RNF121: variants seen among roughly 807,000 people sequenced by gnomAD.
The protein encoded by RNF121 is E3 ubiquitin ligase RNF121.
RNF121 carries 21 observed loss-of-function variants against 46.5 expected under a neutral mutation model. The ratio of observed to expected loss-of-function variants is 0.45; its 90% CI spans 0.32 to 0.65. RNF121 has a LOEUF of 0.65. Ranked by LOEUF, RNF121 falls within the 30% of genes least tolerant of loss-of-function variation. The pLI is 0.04. For missense variants in RNF121, 346 were observed against 416.0 expected (o/e 0.83, Z 1.46); for synonymous variants, 139 against 144.7 (o/e 0.96, Z 0.28).
At chr11:71,962,244 G>A (rs1231489796) in intron 3 of RNF121, 9 of 925,690 alleles carry the variant, frequency 9.7e-6, no homozygotes, top group South Asian at 5.0e-5. Context: ...GATTACAGGC[G>A]TGAGCCACCG....
chr11:71,978,367 C>G (rs2134200113), intron 3 of RNF121: 1 of 215,124 alleles, frequency 4.6e-6, no homozygotes, highest in African/African-American at 2.4e-5. Context: ...CTTTCACTCC[C>G]TAATGGAGAT....
In RNF121 at chr11:71,964,759, G is replaced by A. The variant is rs1040877724; in HGVS notation, c.243+3868G>A. Among the ~76,000 whole-genome samples the A allele has an allele frequency of 1.6e-4, 25 of 152,164 alleles. 1 individual carries two copies. Among genetic ancestry groups the A allele is most frequent in the South Asian group, 1.0e-3 (5 of 4,834 alleles). Reference sequence around the variant, plus strand: ...CTCCCAAAGTGTTGGGATTACAGGCGTGAGCCACCGTGCCTGGTATTATAA... The same window carrying A: ...CTCCCAAAGTGTTGGGATTACAGGCATGAGCCACCGTGCCTGGTATTATAA... On this transcript the variant is annotated intron_variant, in intron 3 of 8. Coordinates refer to ENST00000361756, the MANE Select transcript of RNF121 (RefSeq NM_018320.5).
At chr11:71,958,955 A>G (rs1040667421) in intron 2 of RNF121, among the ~76,000 whole-genome samples, 4 of 152,320 alleles carry the variant, frequency 2.6e-5, no homozygotes, top group African/African-American at 2.4e-5. Context: ...ATCTCTTGCT[A>G]TCTTTATAAC....
At chr11:71,974,547 G>A (rs543120708) in intron 3 of RNF121, among the ~76,000 whole-genome samples, 4 of 152,136 alleles carry the variant, frequency 2.6e-5, no homozygotes, top group Non-Finnish European at 5.9e-5. Flanking sequence ...GAAGTGATTT[G>A]CTGGGAACAC....
chr11:71,966,205 G>A (rs7128346), intron 3 of RNF121, among the ~76,000 whole-genome samples: 129,737 of 152,084 alleles, frequency 0.85, 56,176 homozygotes, highest in Non-Finnish European at 0.94. Context: ...TTTTAGTAGA[G>A]ACAGGGTTTC....
At chr11:71,995,964 T>TG (rs1295366507) in intron 8 of RNF121, among the ~76,000 whole-genome samples, 3 of 152,152 alleles carry the variant, frequency 2.0e-5, no homozygotes, top group African/African-American at 7.2e-5. Flanking sequence ...TTCTCTGCAT[T>TG]CAGCTCTTTA....
intron 5 of RNF121, among the ~76,000 whole-genome samples, chr11:71,987,351 T>C (rs1299885879): frequency 6.6e-6 from 1 of 152,208 alleles, no homozygotes; most frequent in Admixed American, 6.5e-5. Flanking sequence ...GGCTTTATAT[T>C]TTAGTGGAAA....
At chr11:71,975,356 C>T (rs1045113449) in intron 3 of RNF121, among the ~76,000 whole-genome samples, 2 of 152,158 alleles carry the variant, frequency 1.3e-5, no homozygotes, top group African/African-American at 4.8e-5. Flanking sequence ...TTTCTCACAC[C>T]TTCCTCAAAT....
chr11:71,964,150 A>G (rs756228456), intron 3 of RNF121, among the ~76,000 whole-genome samples: 43 of 152,042 alleles, frequency 2.8e-4, no homozygotes, highest in Non-Finnish European at 5.1e-4. Context: ...TGAACACAGG[A>G]TATCTTTTCA....
chr11:71,957,758 T>C (rs1464548746), intron 2 of RNF121, among the ~76,000 whole-genome samples: 1 of 152,194 alleles, frequency 6.6e-6, no homozygotes. Context: ...GAGATGTATC[T>C]TCTGTTCTCA....
intron 3 of RNF121, among the ~76,000 whole-genome samples, chr11:71,976,634 A>C (rs968020970): frequency 1.3e-5 from 2 of 152,050 alleles, no homozygotes; most frequent in African/African-American, 4.8e-5. Flanking sequence ...CTGGGGTTAC[A>C]GGCGTGAGCC....
chr11:71,940,745 G>A (rs759083300), intron 1 of RNF121, among the ~76,000 whole-genome samples: 4 of 152,230 alleles, frequency 2.6e-5, no homozygotes, highest in African/African-American at 7.2e-5. Context: ...CATGGGAACA[G>A]ATGGTTGTAG....
At chr11:71,975,056 C>T (rs2082523381) in intron 3 of RNF121, among the ~76,000 whole-genome samples, 2 of 152,168 alleles carry the variant, frequency 1.3e-5, no homozygotes, top group Non-Finnish European at 2.9e-5. Context: ...GTGTCTACTA[C>T]CAAATATAGT....
At chr11:71,965,348 T>C (rs1417174621) in intron 3 of RNF121, among the ~76,000 whole-genome samples, 1 of 151,728 alleles carries the variant, frequency 6.6e-6, no homozygotes, top group Non-Finnish European at 1.5e-5. Context: ...CCTCCTGGGC[T>C]CAAGGGATCC....
At chr11:71,959,504 G>A (rs1954076377) in intron 2 of RNF121, among the ~76,000 whole-genome samples, 1 of 152,036 alleles carries the variant, frequency 6.6e-6, no homozygotes, top group Non-Finnish European at 1.5e-5. Flanking sequence ...CTGGTGTAAT[G>A]GGAATTGTAT....
intron 4 of RNF121, among the ~76,000 whole-genome samples, chr11:71,983,478 A>G (rs1954705967): frequency 6.6e-6 from 1 of 152,258 alleles, no homozygotes; most frequent in Non-Finnish European, 1.5e-5. Flanking sequence ...TAATTTTCCA[A>G]TAAACAATAC....
intron 3 of RNF121, among the ~76,000 whole-genome samples, chr11:71,973,811 A>G (rs1045501497): frequency 6.6e-6 from 1 of 152,162 alleles, no homozygotes; most frequent in Non-Finnish European, 1.5e-5. Flanking sequence ...ACAAACCAAA[A>G]AAACCCCAAA....
intron 3 of RNF121, among the ~76,000 whole-genome samples, chr11:71,970,701 G>A (rs903302606): frequency 3.9e-5 from 6 of 151,982 alleles, no homozygotes; most frequent in African/African-American, 1.5e-4. Flanking sequence ...AAAATTAAAG[G>A]TGGTCCATGC....
At chr11:71,940,054 T>C (rs550954728) in intron 1 of RNF121, among the ~76,000 whole-genome samples, 5 of 152,350 alleles carry the variant, frequency 3.3e-5, no homozygotes, top group African/African-American at 1.2e-4. Flanking sequence ...CTTAAAAGTT[T>C]ATCATGTGGA....
Sources: gnomAD v4.1 joint callset for allele counts (sites outside exome capture counted in the v4.1 genomes callset) on GRCh38, gnomAD v4.1.1 for gene constraint, MANE v1.5 for transcripts, NCBI Gene and HGNC (gene_info 2026-07-23, HGNC 2026-07-21) for gene names.